The following TPRN variants were observed in gnomAD, a reference collection of about 807,000 sequenced individuals.
TPRN encodes the protein chromosome 9 open reading frame 75.
Under a neutral mutation model 42.6 loss-of-function variants are expected in TPRN, and 32 were observed. That is an observed-to-expected ratio of 0.75 (90% CI 0.57 to 1.01). TPRN has a LOEUF of 1.01. Among genes scored for constraint, TPRN ranks in the 50% least tolerant of loss-of-function variants. The probability of loss-of-function intolerance (pLI) is 0.00; values close to 1 mark genes in which losing one functional copy is unlikely to be tolerated. For synonymous variants in TPRN, 541 were observed against 445.6 expected, an observed-to-expected ratio of 1.21 and a Z score of -2.70; for missense variants, 1,095 against 957.5, an observed-to-expected ratio of 1.14 and a Z score of -1.90.
intron 3 of TPRN, 25 bp downstream of exon 3, chr9:137,192,234 A>G (rs1463181686): frequency 1.2e-6 from 2 of 1,613,094 alleles, no homozygotes; most frequent in East Asian, 4.5e-5. Flanking sequence ...GACTCCCCCC[A>G]GCGCTCCACT....
intron 1 of TPRN, among the ~76,000 whole-genome samples, chr9:137,195,639 G>T (rs1055587994): frequency 6.6e-6 from 1 of 152,198 alleles, no homozygotes; most frequent in African/African-American, 2.4e-5. Flanking sequence ...AGCAGGTGAG[G>T]GCGGACGGCC....
At chr9:137,198,700 G>C (rs1341815088) in intron 1 of TPRN, among the ~76,000 whole-genome samples, 1 of 152,252 alleles carries the variant, frequency 6.6e-6, no homozygotes, top group Non-Finnish European at 1.5e-5. Flanking sequence ...GCTAATTCCA[G>C]ATGAGCCACA....
At position 137,191,962 on chromosome 9, in the gene TPRN, G is replaced by A; in HGVS notation, c.*150C>T. ...GACCCAGACCTGGCCCCGATGGCAG[G>A]AGGCACCCTAGCTGCTTCCAGGGCC... On this transcript the variant is annotated 3_prime_UTR_variant, in exon 4 of 4. Coordinates refer to ENST00000409012, the MANE Select transcript of TPRN (RefSeq NM_001128228.3). 1 of 972,054 alleles carries A rather than the reference G, an allele frequency of 1.0e-6. No homozygotes were observed. Among genetic ancestry groups the A allele is most frequent in the South Asian group, 1.4e-5 (1 of 71,490 alleles). 60.2% of individuals were successfully genotyped at this position (972,054 alleles called of 1,614,324 possible). A position where few individuals can be genotyped will look rare whatever the true frequency, so the allele number is the denominator to read the frequency against.
In TPRN at chr9:137,200,669, C is replaced by T. The variant is rs1390141611; in HGVS notation, c.43G>A (p.Val15Met). 5.7e-6 allele frequency: 7 copies of T among 1,234,812 alleles called. No homozygotes were observed. The highest frequency in any genetic ancestry group is 8.8e-5 in the East Asian group (2 of 22,680). 76.5% of individuals were successfully genotyped at this position (1,234,812 alleles called of 1,614,324 possible). Residue 15 changes from valine (V) to methionine (M), a missense_variant, in exon 1 of 4, where the codon GTG becomes ATG. By Grantham distance (21) the Val-to-Met change is conservative. Coordinates refer to ENST00000409012, the MANE Select transcript of TPRN (RefSeq NM_001128228.3). This position sits in a 1 kb window ranked among gnomAD's most constrained non-coding sequence, Gnocchi z 4.3. ...GRPGSGPRAA[V>M]PAWKREILER... The stretch of plus-strand genomic sequence containing the variant: ...AGGATCTCACGCTTCCAAGCGGGCA[C>T]CGCAGCGCGCGGCCCCGAGCCCGGC...
rs1448950664 is a variant in TPRN at position 137,200,501 on chromosome 9, C to G, written c.211G>C (p.Gly71Arg). 1.7e-6 allele frequency: 2 copies of G among 1,149,996 alleles called. No homozygotes were observed. Among genetic ancestry groups the G allele is most frequent in the Non-Finnish European group, 2.1e-6 (2 of 933,412 alleles). 71.2% of individuals were successfully genotyped at this position (1,149,996 alleles called of 1,614,324 possible). A position where few individuals can be genotyped will look rare whatever the true frequency, so the allele number is the denominator to read the frequency against. The change falls in exon 1 of 4, where the codon GGC (glycine) becomes CGC (arginine). Residue 71 changes from glycine (G) to arginine (R), a missense_variant. Gly to Arg is a moderately radical substitution (Grantham distance 125). Coordinates refer to ENST00000409012, the MANE Select transcript of TPRN (RefSeq NM_001128228.3). This position sits in a 1 kb window ranked among gnomAD's most constrained non-coding sequence, Gnocchi z 4.3. Reference sequence around the variant, plus strand: ...AGCCGCGCCCCCGCCGCGCCCCCGCCGCGCCGCCGCTCGGCCTCCAGCAGC... The same window carrying G: ...AGCCGCGCCCCCGCCGCGCCCCCGCGGCGCCGCCGCTCGGCCTCCAGCAGC... ...FMLLEAERRR[G>R]GGAAGARLLE...
chr9:137,199,942 G>C lies in TPRN; in HGVS notation c.770C>G (p.Pro257Arg). Residue 257 changes from proline (P) to arginine (R), a missense_variant, in exon 1 of 4, where the codon CCC becomes CGC. Transcript: ENST00000409012. ...GGGGCTGGGGGGCGGGTGGAGGGAG[G>C]GATCCCCCGACTCCACCTTTGGCTT... ...QWKPKVESGD[P>R]SLHPPPSPGT... The C allele has an allele frequency of 6.7e-7, 1 of 1,487,398 alleles. No homozygotes were observed. The highest frequency in any genetic ancestry group is 2.5e-5 in the East Asian group (1 of 40,324). 92.1% of individuals were successfully genotyped at this position (1,487,398 alleles called of 1,614,324 possible). A position where few individuals can be genotyped will look rare whatever the true frequency, so the allele number is the denominator to read the frequency against.
At position 137,192,683 on chromosome 9, in the gene TPRN, G is replaced by A; in HGVS notation, c.1734C>T (p.Ile578=). The A allele has an allele frequency of 6.2e-7, 1 of 1,613,758 alleles. No individual in the cohort carries two copies. Among genetic ancestry groups the A allele is most frequent in the Non-Finnish European group, 8.5e-7 (1 of 1,179,976 alleles). The change falls in exon 2 of 4, where the codon ATC becomes ATT. Residue 578 remains isoleucine, a synonymous_variant. Coordinates refer to ENST00000409012, the MANE Select transcript of TPRN (RefSeq NM_001128228.3). ...KAGSSRKKMK[I]SFNDKSLQTT... ...TCTGCAGGCTTTTGTCGTTGAAGGA[G>A]ATCTTCATCTGGGAGTGAGAGTCAC... is the stretch of plus-strand genomic sequence containing the variant.
At chr9:137,198,960 G>A (rs374054392) in intron 1 of TPRN, 27 bp downstream of exon 1, 6 of 1,612,036 alleles carry the variant, frequency 3.7e-6, no homozygotes, top group Admixed American at 1.7e-5. Context: ...CTCCCTGCCA[G>A]CCAGTGGCCC....
At chr9:137,196,987 C>T (rs1354984462) in intron 1 of TPRN, among the ~76,000 whole-genome samples, 1 of 152,226 alleles carries the variant, frequency 6.6e-6, no homozygotes, top group African/African-American at 2.4e-5. Flanking sequence ...GCCTGTTTCC[C>T]AGGCTCAGCC....
intron 1 of TPRN, among the ~76,000 whole-genome samples, chr9:137,196,003 G>A (rs897486145): frequency 1.3e-5 from 2 of 152,162 alleles, no homozygotes; most frequent in Non-Finnish European, 2.9e-5. Flanking sequence ...CGGCACACAG[G>A]CCAGCAGCTC....
chr9:137,198,836 G>C, intron 1 of TPRN, 151 bp downstream of exon 1: 1 of 1,496,496 alleles, frequency 6.7e-7, no homozygotes, highest in Non-Finnish European at 8.9e-7. Flanking sequence ...GACCCAGCAC[G>C]GCCCACCCAG....
rs1461599626 is a variant in TPRN, at chr9:137,192,484, G to A, written c.1933C>T (p.Pro645Ser). Reference protein sequence around the residue: ...PRATFVSSVRPESSRLPEGSS... With the variant: ...PRATFVSSVRSESSRLPEGSS... ...CCCTCTGGCAGCCGAGAGCTCTCGG[G>A]TCTCACGCTGCTCACAAACGTGGCC... The change falls in exon 2 of 4, where the codon CCC (proline) becomes TCC (serine). Residue 645 changes from proline to serine, a missense_variant. Transcript: ENST00000409012. 1.2e-6 allele frequency: 2 copies of A among 1,605,910 alleles called. No individual in the cohort carries two copies. The highest frequency in any genetic ancestry group is 1.7e-6 in the Non-Finnish European group (2 of 1,176,580).
In TPRN at chr9:137,192,523, G is replaced by A. The variant is rs376450752; in HGVS notation, c.1894C>T (p.Leu632Phe). The A allele has an allele frequency of 5.2e-5, 84 of 1,607,390 alleles. No homozygotes were observed. The highest frequency in any genetic ancestry group is 6.9e-5 in the Non-Finnish European group (81 of 1,177,210). Reference sequence around the variant, plus strand: ...ACAAACGTGGCCCGGGGCAGGAAGAGTGCAAAGGGCTTCTCCTCTGAGCCG... The same window carrying A: ...ACAAACGTGGCCCGGGGCAGGAAGAATGCAAAGGGCTTCTCCTCTGAGCCG... ...GSGSEEKPFA[L>F]FLPRATFVSS... The change falls in exon 2 of 4, where the codon CTC (leucine) becomes TTC (phenylalanine). Residue 632 changes from leucine (L) to phenylalanine (F), a missense_variant. Coordinates refer to ENST00000409012, the MANE Select transcript of TPRN (RefSeq NM_001128228.3).
At position 137,192,293 on chromosome 9, in the gene TPRN, G is replaced by C. The variant is rs369251781; in HGVS notation, c.2039C>G (p.Pro680Arg). ...CACGGGCGGGGGCTCTGCCTCCCTCGGGGCCTGCTCCAGCGCCTGCTCCTG... is the reference window on the plus strand; with the variant it reads ...CACGGGCGGGGGCTCTGCCTCCCTCCGGGCCTGCTCCAGCGCCTGCTCCTG... ...KWQEQALEQA[P>R]REAEPPPVEA... The change falls in exon 3 of 4, where the codon CCG becomes CGG. Residue 680 changes from proline to arginine, a missense_variant. Transcript: ENST00000409012. 2.5e-6 allele frequency: 4 copies of C among 1,612,946 alleles called. 1 individual carries two copies. In the South Asian group the frequency reaches 4.4e-5, roughly 18 times the overall value.
rs1479009353 is a variant in TPRN at position 137,199,235 on chromosome 9, G to A, written c.1477C>T (p.Leu493Phe). ...HPARPGCVAE[L>F]QPRGSNTFTV... The stretch of plus-strand genomic sequence containing the variant: ...AAGGTGTTGCTGCCCCGGGGCTGAA[G>A]CTCTGCCACGCACCCGGGCCTGGCA... The change falls in exon 1 of 4, where the codon CTT becomes TTT. Residue 493 changes from leucine (L) to phenylalanine (F), a missense_variant. By Grantham distance (22) the Leu-to-Phe change is conservative. Coordinates refer to ENST00000409012, the MANE Select transcript of TPRN (RefSeq NM_001128228.3). 5.0e-6 allele frequency: 8 copies of A among 1,612,980 alleles called. No homozygotes were observed. The highest frequency in any genetic ancestry group is 1.7e-5 in the Admixed American group (1 of 60,036).
Position 137,192,006 on chromosome 9 carries a change from A to G in TPRN, c.*106T>C. On this transcript the variant is annotated 3_prime_UTR_variant, in exon 4 of 4. Transcript: ENST00000409012. ...CAGGGCCAGGAGGGGTGGGTGGGAT[A>G]CAGTGAGGCCAAACAAGGCAGAAGC... The G allele has an allele frequency of 1.4e-6, 2 of 1,387,956 alleles. No individual in the cohort carries two copies. Among genetic ancestry groups the G allele is most frequent in the Middle Eastern group, 2.2e-4 (1 of 4,494 alleles). 86.0% of individuals were successfully genotyped at this position (1,387,956 alleles called of 1,614,324 possible).
rs1336876804 is a variant in TPRN, at chr9:137,192,248, CCG to C, written c.2073+9_2073+10del. The C allele has an allele frequency of 3.1e-6, 5 of 1,613,064 alleles. No homozygotes were observed. Among genetic ancestry groups the C allele is most frequent in the Non-Finnish European group, 4.2e-6 (5 of 1,180,020 alleles). ...AGACTCCCCCCAGCGCTCCACTCCC[CCG>C]CATCTCACCATGGCCTCCACGGGCG... is the stretch of plus-strand genomic sequence containing the variant. On this transcript the variant is annotated intron_variant, in intron 3 of 3. Transcript: ENST00000409012.
chr9:137,194,743 G>A (rs1357925319), intron 1 of TPRN: 3 of 152,278 alleles, frequency 2.0e-5, no homozygotes, highest in African/African-American at 7.2e-5. Context: ...TCCTCAGCTG[G>A]GCTGGTGCCT....
Position 137,192,591 on chromosome 9 carries a change from TCC to T in TPRN, c.1824_1825del (p.Glu609GlyfsTer45), listed in dbSNP as rs544799319. On this transcript the variant is annotated frameshift_variant, in exon 2 of 4. Transcript: ENST00000409012. LOFTEE classifies it high-confidence loss of function. Reference sequence around the variant, plus strand: ...TTCCTCTTCCTCCTCCTCCTCCTCCTCCTCCTCCTGCTGGTCCACCTCTTCCT... The same window carrying T: ...TTCCTCTTCCTCCTCCTCCTCCTCCTTCCTCCTGCTGGTCCACCTCTTCCT... The T allele has an allele frequency of 3.0e-4, 485 of 1,613,236 alleles. 2 individuals carry two copies. In the East Asian group the frequency reaches 0.01, roughly 34 times the overall value.
Sources: allele counts gnomAD v4.1 joint callset (sites outside exome capture counted in the v4.1 genomes callset), GRCh38; gene constraint gnomAD v4.1.1; non-coding constraint Gnocchi (gnomAD v3.1); transcripts MANE v1.5; gene names NCBI Gene and HGNC (gene_info 2026-07-23, HGNC 2026-07-21).